JARID2: variants seen among roughly 807,000 people sequenced by gnomAD.
The protein encoded by JARID2 is jumonji and AT-rich interaction domain containing 2.
In JARID2, 21 loss-of-function variants were observed where a neutral mutation model predicts 125.6. That is an observed-to-expected ratio of 0.17 (90% confidence interval 0.12 to 0.24). The LOEUF (loss-of-function observed/expected upper bound fraction) is 0.24. JARID2 is among the 10% of genes least tolerant of loss of function. The probability of loss-of-function intolerance (pLI) is 1.00; values close to 1 mark genes in which losing one functional copy is unlikely to be tolerated. For missense variants in JARID2, 1,303 were observed against 1,639.6 expected (o/e 0.79, Z 3.55); for synonymous variants, 736 against 661.6 (o/e 1.11, Z -1.73).
intron 3 of JARID2, among the ~76,000 whole-genome samples, chr6:15,426,572 C>G (rs1766737414): frequency 6.6e-6 from 1 of 152,132 alleles, no homozygotes; most frequent in South Asian, 2.1e-4. Context: ...TCAGTCTAAG[C>G]CAAGATGTGC....
chr6:15,491,373 G>A (rs746214886), intron 6 of JARID2, among the ~76,000 whole-genome samples: 6 of 152,206 alleles, frequency 3.9e-5, no homozygotes, highest in South Asian at 2.1e-4. Context: ...CTGCTGCTGC[G>A]GTCAGTGTTT....
At chr6:15,513,168 C>T (rs941052196) in intron 15 of JARID2, 71 bp from the exon 16 acceptor site, 2 of 1,561,130 alleles carry the variant, frequency 1.3e-6, no homozygotes, top group South Asian at 1.2e-5. Flanking sequence ...GTGTGGGGTG[C>T]GTGTGTCCCC....
At chr6:15,317,175 TTCTTCCTGTCCC>T (rs1762206679) in intron 1 of JARID2, among the ~76,000 whole-genome samples, 3 of 152,214 alleles carry the variant, frequency 2.0e-5, no homozygotes. Context: ...CAGAAATAAT[TTCTTCCTGTCCC>T]TCTGTGAAAT....
At chr6:15,480,658 A>G (rs1769567117) in intron 5 of JARID2, among the ~76,000 whole-genome samples, 1 of 152,178 alleles carries the variant, frequency 6.6e-6, no homozygotes, top group African/African-American at 2.4e-5. Flanking sequence ...CATTCTTCTT[A>G]TATTTGCGCA....
chr6:15,409,986 T>A (rs1355661693), intron 2 of JARID2, among the ~76,000 whole-genome samples: 1 of 152,240 alleles, frequency 6.6e-6, no homozygotes, highest in African/African-American at 2.4e-5. Flanking sequence ...GTTCCAAATT[T>A]CTGCTCAAAT....
rs1759184114 is a variant in JARID2 at position 15,246,353 on chromosome 6, T to TC, written c.-185dup. 3.5e-6 allele frequency: 2 copies of TC among 579,040 alleles called. No homozygotes were observed. Among genetic ancestry groups the TC allele is most frequent in the Non-Finnish European group, 6.1e-6 (2 of 328,080 alleles). The allele number at this position is 579,040 out of a possible 1,614,324, so 35.9% of individuals were successfully genotyped here. On this transcript the variant is annotated 5_prime_UTR_variant, in exon 1 of 18. Transcript: ENST00000341776. ...TCGTTCGTCTTTGGCTCTTTTTTTT[T>TC]CCTTCCCAATTTCGGATTTATTTCA...
rs58352410 is a variant in JARID2, at chr6:15,361,892, CTTTTTTT to C, written c.46-12210_46-12204del. Among the ~76,000 whole-genome samples, 408 of 121,174 alleles carry C rather than the reference CTTTTTTT, an allele frequency of 3.4e-3. 1 individual carries two copies. The highest frequency in any genetic ancestry group is 5.1e-3 in the Non-Finnish European group (301 of 58,620). 79.5% of individuals were successfully genotyped at this position (121,174 alleles called of 152,430 possible). A position where few individuals can be genotyped will look rare whatever the true frequency, so the allele number is the denominator to read the frequency against. On this transcript the variant is annotated intron_variant, in intron 1 of 17. Coordinates refer to ENST00000341776, the MANE Select transcript of JARID2 (RefSeq NM_004973.4). Reference sequence around the variant, plus strand: ...ATCTTGTCTTTGGATTGGGAGCCCCCTTTTTTTTTTTTTTTTTTTTTCCCTGAGATGG... The same window carrying C: ...ATCTTGTCTTTGGATTGGGAGCCCCCTTTTTTTTTTTTTTCCCTGAGATGG...
rs557336420 is a variant in JARID2, at chr6:15,369,593, G to C, written c.46-4524G>C. ...CAAGGGGCCTGAAGTGGTTTACAGA[G>C]GACAAAGGGGATAATTTGGATTTTC... On this transcript the variant is annotated intron_variant, in intron 1 of 17. Coordinates refer to ENST00000341776, the MANE Select transcript of JARID2 (RefSeq NM_004973.4). 2.0e-4 allele frequency among the ~76,000 whole-genome samples: 30 copies of C among 152,302 alleles called. No individual in the cohort carries two copies. In the East Asian group the frequency reaches 5.8e-3, roughly 29 times the overall value.
intron 2 of JARID2, among the ~76,000 whole-genome samples, chr6:15,377,833 A>G (rs925813179): frequency 9.9e-5 from 12 of 121,510 alleles, no homozygotes; most frequent in Non-Finnish European, 2.1e-4. Context: ...GTCCCGAGCC[A>G]GGATGGATAA....
At chr6:15,461,209 T>TTG (rs1768432476) in intron 4 of JARID2, among the ~76,000 whole-genome samples, 1 of 152,168 alleles carries the variant, frequency 6.6e-6, no homozygotes, top group Non-Finnish European at 1.5e-5. Flanking sequence ...ATAGGAAGGG[T>TTG]TGTAAGGGGA....
intron 2 of JARID2, among the ~76,000 whole-genome samples, chr6:15,408,201 A>G (rs529274620): frequency 2.0e-5 from 3 of 152,208 alleles, no homozygotes; most frequent in Non-Finnish European, 2.9e-5. Flanking sequence ...GCAATAAGCT[A>G]TGGTTGCGCC....
intron 1 of JARID2, among the ~76,000 whole-genome samples, chr6:15,304,103 G>A (rs866339877): frequency 1.3e-4 from 20 of 152,176 alleles, no homozygotes; most frequent in African/African-American, 4.1e-4. Context: ...GTCAACTGCT[G>A]TAAACAGTCC....
At chr6:15,311,573 C>T (rs978016672) in intron 1 of JARID2, among the ~76,000 whole-genome samples, 3 of 152,066 alleles carry the variant, frequency 2.0e-5, no homozygotes, top group East Asian at 1.9e-4. Flanking sequence ...AGCGAAACTC[C>T]GTCTCAAGAA....
chr6:15,452,058 A>G lies in JARID2; in HGVS notation c.376A>G (p.Ser126Gly), dbSNP rs770742297. The change falls in exon 4 of 18, where the codon AGC (serine) becomes GGC (glycine). Residue 126 changes from serine (S) to glycine (G), a missense_variant. Ser to Gly is a moderately conservative substitution (Grantham distance 56, BLOSUM62 0). Coordinates refer to ENST00000341776, the MANE Select transcript of JARID2 (RefSeq NM_004973.4). ...KFAQSQPNSP[S>G]TTPVKIVEPL... ...TGCTCAGTCTCAGCCGAATAGTCCC[A>G]GCACAACTCCAGTAAAGATAGTGGA... The G allele has an allele frequency of 6.2e-7, 1 of 1,614,162 alleles. No individual in the cohort carries two copies. The highest frequency in any genetic ancestry group is 1.1e-5 in the South Asian group (1 of 91,082).
At chr6:15,422,210 T>G (rs780574408) in intron 3 of JARID2, among the ~76,000 whole-genome samples, 10 of 152,182 alleles carry the variant, frequency 6.6e-5, no homozygotes, top group Non-Finnish European at 1.2e-4. Context: ...CTGTGATTAC[T>G]TGTTGATTTT....
At chr6:15,313,710 A>G (rs1465619813) in intron 1 of JARID2, among the ~76,000 whole-genome samples, 1 of 151,932 alleles carries the variant, frequency 6.6e-6, no homozygotes, top group Non-Finnish European at 1.5e-5. Flanking sequence ...TGGTGGAAAC[A>G]CTCTCTGGCT....
intron 1 of JARID2, among the ~76,000 whole-genome samples, chr6:15,334,398 T>A (rs949161783): frequency 5.5e-5 from 8 of 144,254 alleles, no homozygotes; most frequent in African/African-American, 2.3e-4. Context: ...TCTATAAAAA[T>A]GTTTTTTCTA....
In JARID2 at chr6:15,411,912, G is replaced by T. The variant is rs76813966; in HGVS notation, c.323+1547G>T. 3.9e-3 allele frequency among the ~76,000 whole-genome samples: 596 copies of T among 152,234 alleles called. 4 individuals carry two copies. The highest frequency in any genetic ancestry group is 0.024 in the Middle Eastern group (7 of 294). On this transcript the variant is annotated intron_variant, in intron 3 of 17. Coordinates refer to ENST00000341776, the MANE Select transcript of JARID2 (RefSeq NM_004973.4). ...TGTAGGCTTCATTCTTAAGGAGGAG[G>T]GACTCTTTGTCCCTAACTCACTGTG...
chr6:15,429,233 C>G (rs1766868439), intron 3 of JARID2, among the ~76,000 whole-genome samples: 2 of 151,766 alleles, frequency 1.3e-5, no homozygotes, highest in Non-Finnish European at 2.9e-5. Context: ...AGTAGCTAAA[C>G]CAACTATTAG....
Sources: gnomAD v4.1 joint callset for allele counts (sites outside exome capture counted in the v4.1 genomes callset) on GRCh38, gnomAD v4.1.1 for gene constraint, MANE v1.5 for transcripts, NCBI Gene and HGNC (gene_info 2026-07-23, HGNC 2026-07-21) for gene names.